SND1: variants seen among roughly 807,000 people sequenced by gnomAD.
The protein encoded by SND1 is staphylococcal nuclease and tudor domain containing 1.
SND1 carries 38 observed loss-of-function variants against 121.7 expected under a neutral mutation model. That is an observed-to-expected ratio of 0.31 (90% CI 0.24 to 0.41). SND1 has a LOEUF of 0.41. SND1 is among the 10% of genes least tolerant of loss of function. The probability of loss-of-function intolerance (pLI) is 1.00; values close to 1 mark genes in which losing one functional copy is unlikely to be tolerated. For synonymous variants in SND1, 401 were observed against 447.4 expected (o/e 0.90, Z 1.31); for missense variants, 868 against 1,184.6 (o/e 0.73, Z 3.92).
At chr7:127,831,999 A>G (rs574506706) in intron 11 of SND1, among the ~76,000 whole-genome samples, 85 of 152,300 alleles carry the variant, frequency 5.6e-4, no homozygotes, top group African/African-American at 2.0e-3. Flanking sequence ...AAAGGATTAC[A>G]TCATATTTAC....
chr7:127,970,277 G>A (rs909243427), intron 15 of SND1, among the ~76,000 whole-genome samples: 7 of 152,168 alleles, frequency 4.6e-5, no homozygotes, highest in Non-Finnish European at 8.8e-5. Flanking sequence ...AGGATACAGT[G>A]GAAAGAACAA....
At chr7:127,833,920 C>G (rs147021390) in intron 11 of SND1, among the ~76,000 whole-genome samples, 4 of 152,220 alleles carry the variant, frequency 2.6e-5, no homozygotes, top group African/African-American at 7.2e-5. Context: ...TTTGACTACT[C>G]TAGGTACCTT....
intron 11 of SND1, among the ~76,000 whole-genome samples, chr7:127,810,063 G>A (rs1798305788): frequency 1.3e-5 from 2 of 152,130 alleles, no homozygotes; most frequent in South Asian, 4.1e-4. Flanking sequence ...GCTTAATACT[G>A]TTTTTATATA....
At chr7:127,975,663 G>C (rs1802103019) in intron 15 of SND1, among the ~76,000 whole-genome samples, 2 of 152,306 alleles carry the variant, frequency 1.3e-5, no homozygotes, top group South Asian at 4.1e-4. Context: ...CGGCAGGATG[G>C]ACAAAGGGAG....
intron 15 of SND1, among the ~76,000 whole-genome samples, chr7:127,944,587 G>A (rs945437839): frequency 3.9e-5 from 6 of 152,134 alleles, no homozygotes; most frequent in East Asian, 1.9e-4. Flanking sequence ...CCCCTGAACC[G>A]GTTCTTGGGG....
intron 16 of SND1, among the ~76,000 whole-genome samples, chr7:128,040,256 G>T (rs1010527329): frequency 2.0e-5 from 3 of 151,452 alleles, no homozygotes; most frequent in African/African-American, 7.3e-5. Context: ...CTTGAAACAC[G>T]GGGTGTGTCA....
chr7:127,714,859 T>A (rs1796359933), intron 9 of SND1, among the ~76,000 whole-genome samples: 1 of 152,256 alleles, frequency 6.6e-6, no homozygotes, highest in Non-Finnish European at 1.5e-5. Context: ...TATTCCATTG[T>A]ATGTGTATAC....
intron 16 of SND1, among the ~76,000 whole-genome samples, chr7:128,000,725 C>A (rs969750971): frequency 6.6e-6 from 1 of 152,186 alleles, no homozygotes; most frequent in South Asian, 2.1e-4. Context: ...CTCCCTGTTC[C>A]GTTTGTCCTA....
chr7:127,701,039 T>G, intron 4 of SND1, 124 bp from the exon 5 acceptor site: 1 of 1,039,326 alleles, frequency 9.6e-7, no homozygotes, highest in Non-Finnish European at 1.4e-6. Context: ...TCTTAAGCCA[T>G]AGATCTGAAA....
At chr7:127,904,878 A>G in intron 14 of SND1, 59 bp downstream of exon 14, 2 of 1,093,424 alleles carry the variant, frequency 1.8e-6, no homozygotes, top group Non-Finnish European at 2.8e-6. Flanking sequence ...GTGTCTGCAT[A>G]TTTGCTGAAG....
chr7:127,971,965 A>G (rs1801999882), intron 15 of SND1, among the ~76,000 whole-genome samples: 2 of 151,812 alleles, frequency 1.3e-5, no homozygotes, highest in South Asian at 2.1e-4. Context: ...AGTAGAGACC[A>G]GGTTTCACCG....
At chr7:127,789,676 A>G (rs1303599421) in intron 10 of SND1, among the ~76,000 whole-genome samples, 1 of 152,158 alleles carries the variant, frequency 6.6e-6, no homozygotes, top group African/African-American at 2.4e-5. Context: ...CTCATCTTCA[A>G]CTTGTTACGT....
intron 12 of SND1, among the ~76,000 whole-genome samples, chr7:127,872,619 AACAC>A (rs147359671): frequency 2.6e-5 from 3 of 116,058 alleles, no homozygotes; most frequent in East Asian, 2.8e-4. Flanking sequence ...GACCTTTTTT[AACAC>A]ACACGCACAC....
At chr7:127,881,340 GCT>G (rs954710737) in intron 12 of SND1, among the ~76,000 whole-genome samples, 3 of 152,058 alleles carry the variant, frequency 2.0e-5, no homozygotes, top group African/African-American at 7.2e-5. Context: ...AATTTTTTAT[GCT>G]CTTTCTTTTG....
At position 127,698,798 on chromosome 7, in the gene SND1, A is replaced by G. The variant is rs1796051500; in HGVS notation, c.350-77A>G. The G allele has an allele frequency of 3.0e-5, 33 of 1,097,542 alleles. No homozygotes were observed. The South Asian group carries it at 4.0e-4, about 13-fold the overall frequency. The allele number at this position is 1,097,542 out of a possible 1,614,324, so 68.0% of individuals were successfully genotyped here. On this transcript the variant is annotated intron_variant, in intron 3 of 23. Coordinates refer to ENST00000354725, the MANE Select transcript of SND1 (RefSeq NM_014390.4). ...TTCTCCTTGAGGAGCTAAGTGTGAA[A>G]GTGGTCCCATTTGGGCTCTGTTGCT...
intron 10 of SND1, among the ~76,000 whole-genome samples, chr7:127,768,923 A>T (rs1037901341): frequency 2.0e-5 from 3 of 152,210 alleles, no homozygotes; most frequent in African/African-American, 7.2e-5. Flanking sequence ...ACAGGGCTGG[A>T]TGGATAACCA....
intron 1 of SND1, among the ~76,000 whole-genome samples, chr7:127,669,483 T>A (rs1432606554): frequency 6.6e-6 from 1 of 152,250 alleles, no homozygotes; most frequent in Non-Finnish European, 1.5e-5. Context: ...AACTGTTCAA[T>A]ATTCAGTTGT....
chr7:127,946,207 C>T (rs1801326457), intron 15 of SND1, among the ~76,000 whole-genome samples: 1 of 152,036 alleles, frequency 6.6e-6, no homozygotes, highest in Non-Finnish European at 1.5e-5. Context: ...GAGATGACAC[C>T]AATAGGAACA....
intron 16 of SND1, 99 bp from the exon 17 acceptor site, chr7:128,074,403 G>C: frequency 7.7e-7 from 1 of 1,291,414 alleles, no homozygotes; most frequent in South Asian, 1.5e-5. Context: ...GCCAAGGCCT[G>C]TGAGCCCAAG....
Sources: gnomAD v4.1 joint callset for allele counts (sites outside exome capture counted in the v4.1 genomes callset) on GRCh38, gnomAD v4.1.1 for gene constraint, MANE v1.5 for transcripts, NCBI Gene and HGNC (gene_info 2026-07-23, HGNC 2026-07-21) for gene names.